RALGPS2: variants seen among roughly 807,000 people sequenced by gnomAD.
RALGPS2 encodes the protein Ral GEF with PH domain and SH3 binding motif 2, also known as ras-specific guanine nucleotide-releasing factor RalGPS2.
Under a neutral mutation model 86.8 loss-of-function variants are expected in RALGPS2, and 43 were observed. That is an observed-to-expected ratio of 0.50 (90% CI 0.39 to 0.64). RALGPS2 has a LOEUF of 0.64. Ranked by LOEUF, RALGPS2 falls within the 30% of genes least tolerant of loss-of-function variation. The pLI is 0.00. For missense variants in RALGPS2, 536 were observed against 694.6 expected (o/e 0.77, Z 2.57); for synonymous variants, 243 against 231.3 (o/e 1.05, Z -0.46).
At chr1:178,914,309 C>A (rs1425968905) in intron 19 of RALGPS2, among the ~76,000 whole-genome samples, 1 of 152,136 alleles carries the variant, frequency 6.6e-6, no homozygotes, top group Non-Finnish European at 1.5e-5. Context: ...CAGGCAGTTC[C>A]CCCTGGCAAC....
intron 1 of RALGPS2, among the ~76,000 whole-genome samples, chr1:178,748,563 C>T (rs1651470585): frequency 6.6e-6 from 1 of 151,970 alleles, no homozygotes; most frequent in Non-Finnish European, 1.5e-5. Flanking sequence ...CAAAAGAAGG[C>T]AGGCACTGGC....
chr1:178,839,162 T>C (rs1420754101), intron 8 of RALGPS2, among the ~76,000 whole-genome samples: 3 of 151,974 alleles, frequency 2.0e-5, no homozygotes, highest in Non-Finnish European at 4.4e-5. Context: ...ATACAGAGAA[T>C]GCCACAAAGA....
At position 178,919,091 on chromosome 1, in the gene RALGPS2, G is replaced by A. The variant is rs185050735; in HGVS notation, c.*2732G>A. 24 of 152,126 alleles carry A rather than the reference G, an allele frequency of 1.6e-4. No homozygotes were observed. The East Asian group carries it at 4.6e-3, about 29-fold the overall frequency. The allele number at this position is 152,126 out of a possible 1,614,324, so 9.4% of individuals were successfully genotyped here. On this transcript the variant is annotated 3_prime_UTR_variant, in exon 20 of 20. Coordinates refer to ENST00000367635, the MANE Select transcript of RALGPS2 (RefSeq NM_152663.5). The stretch of plus-strand genomic sequence containing the variant: ...AATAACTACAGAATGACCTTCCAGA[G>A]CACTGTTTTTGGCCTCGTGCCCGCT...
At chr1:178,807,955 C>T in intron 4 of RALGPS2, 90 bp from the exon 5 acceptor site, 1 of 813,148 alleles carries the variant, frequency 1.2e-6, no homozygotes, top group Non-Finnish European at 2.1e-6. Flanking sequence ...TAGAAAAGAA[C>T]ACAAACTGTC....
intron 7 of RALGPS2, among the ~76,000 whole-genome samples, chr1:178,824,070 A>G (rs938569941): frequency 1.4e-4 from 21 of 152,240 alleles, no homozygotes; most frequent in African/African-American, 4.3e-4. Context: ...AAATGTTTCA[A>G]TAAAAATTGA....
chr1:178,736,803 A>G (rs1276939252), intron 1 of RALGPS2, among the ~76,000 whole-genome samples: 4 of 152,100 alleles, frequency 2.6e-5, no homozygotes, highest in African/African-American at 9.7e-5. Flanking sequence ...CAGGAGGCTG[A>G]GGCTGGAGAA....
intron 13 of RALGPS2, among the ~76,000 whole-genome samples, 186 bp downstream of exon 13, chr1:178,886,306 A>C (rs996697222): frequency 6.6e-6 from 1 of 152,242 alleles, no homozygotes; most frequent in African/African-American, 2.4e-5. Context: ...TTTTAACTCC[A>C]GAAGGGGAAG....
chr1:178,880,894 G>C (rs1178046386), intron 10 of RALGPS2, among the ~76,000 whole-genome samples: 2 of 152,154 alleles, frequency 1.3e-5, no homozygotes, highest in African/African-American at 4.8e-5. Context: ...CCATGAGGTA[G>C]TTCTGACATT....
chr1:178,882,314 G>A (rs1659290692), intron 10 of RALGPS2, among the ~76,000 whole-genome samples: 1 of 152,178 alleles, frequency 6.6e-6, no homozygotes, highest in Non-Finnish European at 1.5e-5. Context: ...CAGAAGGACA[G>A]GAATACCGTG....
intron 3 of RALGPS2, among the ~76,000 whole-genome samples, chr1:178,784,943 A>C (rs1286339334): frequency 2.0e-5 from 3 of 152,146 alleles, no homozygotes; most frequent in Non-Finnish European, 4.4e-5. Context: ...TTCTTAATAT[A>C]AATTTATTTG....
chr1:178,752,738 T>C (rs905542922), intron 1 of RALGPS2, among the ~76,000 whole-genome samples: 1 of 152,230 alleles, frequency 6.6e-6, no homozygotes, highest in Non-Finnish European at 1.5e-5. Context: ...TTATATGCCA[T>C]AGTAATATTC....
intron 19 of RALGPS2, among the ~76,000 whole-genome samples, chr1:178,911,990 A>G (rs957284964): frequency 3.9e-5 from 6 of 152,126 alleles, no homozygotes; most frequent in Non-Finnish European, 7.4e-5. Flanking sequence ...GACCATTGTT[A>G]TAGTCTGTTG....
intron 1 of RALGPS2, among the ~76,000 whole-genome samples, chr1:178,739,184 A>G (rs1262414594): frequency 1.3e-5 from 2 of 152,194 alleles, no homozygotes; most frequent in East Asian, 1.9e-4. Context: ...GAATAAGTCT[A>G]CTTAAAGAGC....
intron 1 of RALGPS2, among the ~76,000 whole-genome samples, chr1:178,749,397 A>C (rs568921908): frequency 6.6e-6 from 1 of 152,088 alleles, no homozygotes; most frequent in Non-Finnish European, 1.5e-5. Flanking sequence ...GAGGCAGGAG[A>C]ATCACTTGAA....
chr1:178,897,369 A>G (rs534325491), intron 16 of RALGPS2, among the ~76,000 whole-genome samples: 50 of 152,072 alleles, frequency 3.3e-4, no homozygotes, highest in Non-Finnish European at 5.9e-4. Flanking sequence ...TTAAAAAGTG[A>G]GAGAGAGTTG....
At chr1:178,825,270 A>G (rs1655695883) in intron 7 of RALGPS2, among the ~76,000 whole-genome samples, 1 of 152,180 alleles carries the variant, frequency 6.6e-6, no homozygotes, top group South Asian at 2.1e-4. Context: ...TAAGGGTAGC[A>G]CAAGAGGTGA....
intron 1 of RALGPS2, among the ~76,000 whole-genome samples, chr1:178,729,920 T>C (rs1051707314): frequency 6.6e-6 from 1 of 151,924 alleles, no homozygotes; most frequent in African/African-American, 2.4e-5. Flanking sequence ...ATACTTTTAC[T>C]GTTTGTTTTT....
intron 12 of RALGPS2, chr1:178,885,619 T>G (rs1659447980): frequency 5.2e-6 from 1 of 192,914 alleles, no homozygotes; most frequent in Non-Finnish European, 1.0e-5. Flanking sequence ...ACTTTTTGTT[T>G]AACTTCATTA....
intron 8 of RALGPS2, among the ~76,000 whole-genome samples, chr1:178,835,392 CTTTTT>C (rs71297889): frequency 1.6e-5 from 2 of 122,038 alleles, no homozygotes; most frequent in African/African-American, 3.0e-5. Flanking sequence ...TCTTTCTTTT[CTTTTT>C]TTTTTTTTTT....
Sources: allele counts gnomAD v4.1 joint callset (sites outside exome capture counted in the v4.1 genomes callset), GRCh38; gene constraint gnomAD v4.1.1; transcripts MANE v1.5; gene names NCBI Gene and HGNC (gene_info 2026-07-23, HGNC 2026-07-21).